SORBS2: variants seen among roughly 807,000 people sequenced by gnomAD.
The protein encoded by SORBS2 is sorbin and SH3 domain-containing protein 2.
In SORBS2, 46 loss-of-function variants were observed where a neutral mutation model predicts 97.7. The ratio of observed to expected loss-of-function variants is 0.47; its 90% CI spans 0.37 to 0.60. SORBS2 has a LOEUF of 0.60. Ranked by LOEUF, SORBS2 falls within the 20% of genes least tolerant of loss-of-function variation. SORBS2 has a pLI of 0.00. For missense variants in SORBS2, 1,316 were observed against 1,282.3 expected, an observed-to-expected ratio of 1.03 and a Z score of -0.40; for synonymous variants, 476 against 473.4, an observed-to-expected ratio of 1.01 and a Z score of -0.07.
chr4:185,625,298 T>C (rs28540850), intron 6 of SORBS2, among the ~76,000 whole-genome samples: 3,411 of 151,814 alleles, frequency 0.022, 128 homozygotes, highest in African/African-American at 0.077. Context: ...AATTTGATAA[T>C]AGAGATCTAC....
intron 1 of SORBS2, among the ~76,000 whole-genome samples, chr4:185,944,610 TA>T (rs1024366994): frequency 3.9e-5 from 6 of 152,226 alleles, no homozygotes; most frequent in Admixed American, 6.5e-5. Flanking sequence ...TAAGTCATTA[TA>T]AATATTTAAC....
At chr4:185,923,460 T>A (rs1481445826) in intron 1 of SORBS2, among the ~76,000 whole-genome samples, 1 of 136,948 alleles carries the variant, frequency 7.3e-6, no homozygotes, top group Non-Finnish European at 1.6e-5. Flanking sequence ...TTGGCTAAGT[T>A]TCTTTTTTTT....
intron 2 of SORBS2, among the ~76,000 whole-genome samples, chr4:185,691,808 G>A (rs1396891830): frequency 6.6e-6 from 1 of 151,936 alleles, no homozygotes; most frequent in Non-Finnish European, 1.5e-5. Flanking sequence ...GCAGTGGTGC[G>A]ATCTCGGCTC....
At chr4:185,608,163 G>T (rs2096465765) in intron 12 of SORBS2, among the ~76,000 whole-genome samples, 1 of 152,146 alleles carries the variant, frequency 6.6e-6, no homozygotes, top group South Asian at 2.1e-4. Context: ...TTGTCCTGCA[G>T]GATAGCCCAA....
At position 185,623,371 on chromosome 4, in the gene SORBS2, G is replaced by A. The variant is rs1388772083; in HGVS notation, c.1758C>T (p.Thr586=). The change falls in exon 7 of 15, where the codon ACC becomes ACT. Residue 586 remains threonine (T), a synonymous_variant. Transcript: ENST00000418609. The surrounding 1 kb of genome is among the most constrained non-coding windows in gnomAD (Gnocchi z 6.4). ...CCATTTCTTGCCTTCTGGGCTCCTC[G>A]GTGTTTTCGTGTCTGGCTCTTTCGT... 3 of 1,613,284 alleles carry A rather than the reference G, an allele frequency of 1.9e-6. No homozygotes were observed. In the East Asian group the frequency reaches 6.7e-5, roughly 36 times the overall value.
intron 1 of SORBS2, among the ~76,000 whole-genome samples, chr4:185,877,696 G>A (rs1034535683): frequency 9.2e-5 from 14 of 151,584 alleles, no homozygotes; most frequent in African/African-American, 7.3e-5. Context: ...GTGACACCCC[G>A]TCTGTACTAA....
chr4:185,936,306 C>G (rs1023129987), intron 1 of SORBS2, among the ~76,000 whole-genome samples: 3 of 152,232 alleles, frequency 2.0e-5, no homozygotes, highest in Admixed American at 2.0e-4. Flanking sequence ...GTTTCACCCA[C>G]CCTCCATCCC....
chr4:185,610,139 A>T (rs1364443436), intron 12 of SORBS2, among the ~76,000 whole-genome samples: 1 of 152,226 alleles, frequency 6.6e-6, no homozygotes, highest in Admixed American at 6.5e-5. Context: ...AAAATATTAT[A>T]TTGCCATTAA....
chr4:185,876,296 T>G (rs905780623), intron 1 of SORBS2, among the ~76,000 whole-genome samples: 1 of 152,082 alleles, frequency 6.6e-6, no homozygotes, highest in Admixed American at 6.5e-5. Context: ...TTAGTAGAGA[T>G]GGAGTTTAAC....
intron 1 of SORBS2, among the ~76,000 whole-genome samples, chr4:185,791,949 A>G (rs1463741597): frequency 6.6e-6 from 1 of 152,234 alleles, no homozygotes; most frequent in African/African-American, 2.4e-5. Context: ...CTGGCATTGA[A>G]GATCAAGTTG....
chr4:185,652,605 G>A (rs368716608), intron 2 of SORBS2, 57 bp downstream of exon 10: 80 of 1,329,700 alleles, frequency 6.0e-5, no homozygotes, highest in Non-Finnish European at 7.9e-5. Flanking sequence ...TGCAAAAGAC[G>A]AATGTAGTCC....
chr4:185,744,752 A>G (rs1227158433), intron 2 of SORBS2, among the ~76,000 whole-genome samples: 2 of 152,216 alleles, frequency 1.3e-5, no homozygotes, highest in East Asian at 3.9e-4. Context: ...GTCATGACAT[A>G]AGAAGCCTAA....
chr4:185,628,815 C>T (rs1402990442), intron 5 of SORBS2, among the ~76,000 whole-genome samples: 3 of 152,212 alleles, frequency 2.0e-5, no homozygotes, highest in Admixed American at 6.5e-5. Flanking sequence ...ATTCCTTCCC[C>T]TCAGTTGCAT....
intron 1 of SORBS2, among the ~76,000 whole-genome samples, chr4:185,953,894 C>A (rs1181777764): frequency 2.6e-5 from 4 of 152,266 alleles, no homozygotes; most frequent in Non-Finnish European, 5.9e-5. Flanking sequence ...GGCTTTCCAT[C>A]ACACCTGTGT....
chr4:185,826,533 G>T (rs1424719071), intron 1 of SORBS2, among the ~76,000 whole-genome samples: 1 of 152,136 alleles, frequency 6.6e-6, no homozygotes, highest in Admixed American at 6.5e-5. Flanking sequence ...AGCTACTGAG[G>T]ATATGCGAAT....
intron 1 of SORBS2, among the ~76,000 whole-genome samples, chr4:185,794,148 TTTC>T (rs2099094496): frequency 6.6e-6 from 1 of 152,240 alleles, no homozygotes; most frequent in African/African-American, 2.4e-5. Flanking sequence ...CATAAAATTG[TTTC>T]TTAAGTATAA....
At chr4:185,799,823 G>T (rs1176402189) in intron 1 of SORBS2, among the ~76,000 whole-genome samples, 2 of 152,152 alleles carry the variant, frequency 1.3e-5, no homozygotes, top group African/African-American at 4.8e-5. Flanking sequence ...GGGAACTGTG[G>T]CATAGAGGGT....
At chr4:185,600,496 GC>G (rs1464768143) in intron 12 of SORBS2, among the ~76,000 whole-genome samples, 1 of 152,056 alleles carries the variant, frequency 6.6e-6, no homozygotes. Context: ...CCGCCACCAG[GC>G]CCAGCTAATT....
At chr4:185,837,856 A>AC (rs55716458) in intron 1 of SORBS2, among the ~76,000 whole-genome samples, 1 of 151,388 alleles carries the variant, frequency 6.6e-6, no homozygotes, top group African/African-American at 2.4e-5. Context: ...AAAAAAAAAA[A>AC]CCCACATTGC....
Sources: allele counts gnomAD v4.1 joint callset (sites outside exome capture counted in the v4.1 genomes callset), GRCh38; gene constraint gnomAD v4.1.1; non-coding constraint Gnocchi (gnomAD v3.1); transcripts MANE v1.5; gene names NCBI Gene and HGNC (gene_info 2026-07-23, HGNC 2026-07-21).